STK3: variants seen among roughly 807,000 people sequenced by gnomAD.
STK3 encodes serine/threonine-protein kinase 3.
Under a neutral mutation model 58.0 loss-of-function variants are expected in STK3, and 41 were observed. That is an observed-to-expected ratio of 0.71 (90% CI 0.55 to 0.92). The LOEUF (loss-of-function observed/expected upper bound fraction) is 0.92, where lower values mean the gene tolerates loss of function less well. Ranked by LOEUF, STK3 falls within the 40% of genes least tolerant of loss-of-function variation. STK3 has a pLI of 0.00. For synonymous variants in STK3, 170 were observed against 191.0 expected (o/e 0.89, Z 0.91); for missense variants, 479 against 602.7 (o/e 0.79, Z 2.15).
At chr8:98,369,408 G>C (rs1817590920), downstream of STK3, among the ~76,000 whole-genome samples, 1 of 152,158 alleles carries the variant, frequency 6.6e-6, no homozygotes, top group Non-Finnish European at 1.5e-5. Context: ...TTGGTAGGAG[G>C]GAGTTTTTTG....
intron 1 of STK3, among the ~76,000 whole-genome samples, chr8:98,811,596 T>TA (rs567178137): frequency 0.06 from 8,462 of 140,490 alleles, 280 homozygotes; most frequent in East Asian, 0.091. Context: ...TGAATACTGT[T>TA]AAAAAAAAAA....
At chr8:98,589,398 G>A (rs1470779785) in intron 7 of STK3, among the ~76,000 whole-genome samples, 32 of 152,242 alleles carry the variant, frequency 2.1e-4, no homozygotes, top group Admixed American at 2.0e-3. Context: ...GTGCCTCCCA[G>A]TTAGGCTGCC....
intron 6 of STK3, among the ~76,000 whole-genome samples, chr8:98,657,516 A>T (rs1821642696): frequency 6.6e-6 from 1 of 152,132 alleles, no homozygotes; most frequent in Non-Finnish European, 1.5e-5. Flanking sequence ...TAGCGAAAAG[A>T]AAAGCCACCA....
At chr8:98,639,133 A>G (rs1413113096) in intron 6 of STK3, among the ~76,000 whole-genome samples, 2 of 148,226 alleles carry the variant, frequency 1.3e-5, no homozygotes, top group Non-Finnish European at 3.0e-5. Context: ...TTTTTTGAGC[A>G]AGGTCTTATT....
downstream of STK3, among the ~76,000 whole-genome samples, chr8:98,396,880 T>C (rs951715543): frequency 2.0e-5 from 3 of 152,228 alleles, no homozygotes; most frequent in East Asian, 1.9e-4. Context: ...CCTAGTACCA[T>C]AGATAAGATT....
chr8:98,862,124 T>G (rs1162998373), intron 3 of STK3, among the ~76,000 whole-genome samples: 1 of 151,974 alleles, frequency 6.6e-6, no homozygotes, highest in Non-Finnish European at 1.5e-5. Flanking sequence ...AGAAAGAAGA[T>G]GAGATCATTA....
At chr8:98,721,174 T>G (rs747319109) in intron 4 of STK3, 82 of 919,334 alleles carry the variant, frequency 8.9e-5, no homozygotes, top group Admixed American at 2.5e-4. Flanking sequence ...CTAAAACAAA[T>G]ATATAAATCA....
intron 6 of STK3, chr8:98,603,412 T>C (rs1190187616): frequency 2.0e-5 from 3 of 152,190 alleles, no homozygotes; most frequent in Admixed American, 2.0e-4. Context: ...ATTTTTCACA[T>C]TTTTAGTAGA....
At chr8:98,572,241 T>C (rs1813024320) in intron 8 of STK3, among the ~76,000 whole-genome samples, 1 of 152,204 alleles carries the variant, frequency 6.6e-6, no homozygotes, top group Non-Finnish European at 1.5e-5. Context: ...ATTACCAAAC[T>C]GCATGCTTAC....
intron 3 of STK3, among the ~76,000 whole-genome samples, chr8:98,762,804 C>G (rs1481962480): frequency 6.6e-6 from 1 of 152,206 alleles, no homozygotes; most frequent in Non-Finnish European, 1.5e-5. Flanking sequence ...TGCTAACCAG[C>G]TGTTGCCTCT....
In STK3 at chr8:98,589,879, T is replaced by C. The variant is rs372853324; in HGVS notation, c.822+6153A>G. On this transcript the variant is annotated intron_variant, in intron 7 of 10. Coordinates refer to ENST00000419617, the MANE Select transcript of STK3 (RefSeq NM_006281.4). ...TGATTTTCCAGGTGCCGTCCGTCAC[T>C]CCTTTCTTTGACTAGGAAAGGGAAC... 9.2e-3 allele frequency among the ~76,000 whole-genome samples: 1,398 copies of C among 152,292 alleles called. 18 individuals carry two copies. Among genetic ancestry groups the C allele is most frequent in the African/African-American group, 0.032 (1,322 of 41,560 alleles).
intron 4 of STK3, among the ~76,000 whole-genome samples, chr8:98,728,683 T>C (rs1827961808): frequency 6.6e-6 from 1 of 152,136 alleles, no homozygotes; most frequent in Admixed American, 6.5e-5. Flanking sequence ...GTAAATCCAG[T>C]ATGAACCAGT....
chr8:98,774,643 T>G (rs1831540944), intron 2 of STK3, 96 bp downstream of exon 2: 2 of 834,442 alleles, frequency 2.4e-6, no homozygotes, highest in African/African-American at 3.6e-5. Context: ...ACTATTCAAT[T>G]CATACGAATA....
chr8:98,566,154 AG>A (rs1812463075), intron 8 of STK3, among the ~76,000 whole-genome samples: 1 of 152,196 alleles, frequency 6.6e-6, no homozygotes, highest in South Asian at 2.1e-4. Context: ...CAAATTCATA[AG>A]GCACTATTTC....
At chr8:98,858,323 T>TATATATATATATAGAGAGAG (rs1189807446) in intron 3 of STK3, among the ~76,000 whole-genome samples, 3 of 16,276 alleles carry the variant, frequency 1.8e-4, no homozygotes, top group African/African-American at 2.3e-4. Flanking sequence ...TATATATATA[T>TATATATATATATAGAGAGAG]AGAGAGAGAG....
chr8:98,768,901 G>A (rs1831116437), intron 2 of STK3, among the ~76,000 whole-genome samples: 1 of 152,250 alleles, frequency 6.6e-6, no homozygotes, highest in South Asian at 2.1e-4. Flanking sequence ...CACTGCTGCA[G>A]ACTGAGGTAG....
chr8:98,633,562 T>A (rs1420367806), intron 6 of STK3: 4 of 735,094 alleles, frequency 5.4e-6, no homozygotes, highest in Non-Finnish European at 1.0e-5. Flanking sequence ...CTCCAGAGGC[T>A]CTTCAGGTTC....
At chr8:98,638,976 T>C (rs900709333) in intron 6 of STK3, among the ~76,000 whole-genome samples, 1 of 152,108 alleles carries the variant, frequency 6.6e-6, no homozygotes, top group Admixed American at 6.6e-5. Context: ...ATAATTAAAA[T>C]GGGCTTATGG....
chr8:98,775,607 T>C (rs1438669035), intron 1 of STK3, among the ~76,000 whole-genome samples: 1 of 152,202 alleles, frequency 6.6e-6, no homozygotes, highest in African/African-American at 2.4e-5. Flanking sequence ...TTTATGCTTA[T>C]CTCTAGCCAA....
Sources: allele counts gnomAD v4.1 joint callset (sites outside exome capture counted in the v4.1 genomes callset), GRCh38; gene constraint gnomAD v4.1.1; transcripts MANE v1.5; gene names NCBI Gene and HGNC (gene_info 2026-07-23, HGNC 2026-07-21).